The following SLIT3 variants were observed in gnomAD, a reference collection of about 807,000 sequenced individuals.
SLIT3 encodes the protein slit guidance ligand 3.
A neutral mutation model predicts 184.0 loss-of-function variants in SLIT3; 68 were observed. The ratio of observed to expected loss-of-function variants is 0.37; its 90% CI spans 0.30 to 0.45. The LOEUF (loss-of-function observed/expected upper bound fraction) is 0.45. Ranked by LOEUF, SLIT3 falls within the 20% of genes least tolerant of loss-of-function variation. The probability of loss-of-function intolerance (pLI) is 1.00; values close to 1 mark genes in which losing one functional copy is unlikely to be tolerated. For synonymous variants in SLIT3, 831 were observed against 828.6 expected (o/e 1.00, Z -0.05); for missense variants, 1,707 against 2,026.0 (o/e 0.84, Z 3.02).
At chr5:168,674,038 T>A (rs1761334199) in intron 32 of SLIT3, among the ~76,000 whole-genome samples, 1 of 152,200 alleles carries the variant, frequency 6.6e-6, no homozygotes, top group South Asian at 2.1e-4. Flanking sequence ...TTTGATGTGG[T>A]TTTTATATTT....
chr5:168,922,605 T>C (rs912678536), intron 4 of SLIT3, among the ~76,000 whole-genome samples: 7 of 151,904 alleles, frequency 4.6e-5, no homozygotes, highest in Non-Finnish European at 1.0e-4. Flanking sequence ...AGGGCACAGA[T>C]CAGAGCTGGT....
At chr5:169,195,258 C>T (rs1763704720) in intron 3 of SLIT3, among the ~76,000 whole-genome samples, 1 of 152,148 alleles carries the variant, frequency 6.6e-6, no homozygotes, top group Non-Finnish European at 1.5e-5. Flanking sequence ...CCCCTTTCTT[C>T]CTAGGTCTAT....
At chr5:168,869,135 C>T (rs1435683721) in intron 5 of SLIT3, among the ~76,000 whole-genome samples, 2 of 152,210 alleles carry the variant, frequency 1.3e-5, no homozygotes, top group Non-Finnish European at 2.9e-5. Context: ...GCTGGAAATC[C>T]AGACTTTCAA....
intron 32 of SLIT3, among the ~76,000 whole-genome samples, chr5:168,682,016 T>C (rs1761606654): frequency 1.3e-5 from 2 of 152,230 alleles, no homozygotes; most frequent in African/African-American, 2.4e-5. Flanking sequence ...ATTTATGTGA[T>C]AGCAAATGCT....
chr5:168,917,799 G>T lies in SLIT3; in HGVS notation c.414-34463C>A, dbSNP rs767678405. ...AAGGAAACCTTCGCAGCAGTATTGT[G>T]TGATTCTTTTTTCCCCAGGCTGAAA... is the stretch of plus-strand genomic sequence containing the variant. On this transcript the variant is annotated intron_variant, in intron 4 of 35. Transcript: ENST00000519560. Among the ~76,000 whole-genome samples the T allele has an allele frequency of 2.0e-4, 30 of 152,158 alleles. 1 individual carries two copies. Among genetic ancestry groups the T allele is most frequent in the Admixed American group, 5.2e-4 (8 of 15,282 alleles).
At chr5:168,798,507 G>T (rs1202461748) in intron 9 of SLIT3, among the ~76,000 whole-genome samples, 1 of 152,078 alleles carries the variant, frequency 6.6e-6, no homozygotes, top group Non-Finnish European at 1.5e-5. Context: ...GAGATGACAG[G>T]TGTGAGCCAC....
intron 9 of SLIT3, among the ~76,000 whole-genome samples, chr5:168,796,510 G>A (rs1396911511): frequency 1.3e-5 from 2 of 152,138 alleles, no homozygotes; most frequent in Non-Finnish European, 2.9e-5. Flanking sequence ...TCTCCGAGGT[G>A]CAGGTCTTTT....
Position 169,239,229 on chromosome 5 carries a change from T to G in SLIT3, c.341+5476A>C, listed in dbSNP as rs373903924. On this transcript the variant is annotated intron_variant, in intron 3 of 35. Transcript: ENST00000519560. ...ATATATTATCCTTTTCACCTATAAC[T>G]GAATTAATTTGCTAGTATTTTGTTA... Among the ~76,000 whole-genome samples the G allele has an allele frequency of 1.6e-4, 24 of 152,312 alleles. No individual in the cohort carries two copies. In the South Asian group the frequency reaches 4.4e-3, roughly 28 times the overall value.
chr5:168,998,733 CAA>C (rs1356073924), intron 4 of SLIT3, among the ~76,000 whole-genome samples: 1 of 151,794 alleles, frequency 6.6e-6, no homozygotes, highest in Non-Finnish European at 1.5e-5. Context: ...CAAAACAAAA[CAA>C]AACAAAAGGC....
At chr5:168,834,681 T>A (rs1387219943) in intron 6 of SLIT3, among the ~76,000 whole-genome samples, 2 of 81,200 alleles carry the variant, frequency 2.5e-5, no homozygotes, top group Admixed American at 4.2e-4. Flanking sequence ...AGCGAGACTC[T>A]GTCTCAAAAA....
At chr5:169,113,217 C>T (rs968646754) in intron 4 of SLIT3, among the ~76,000 whole-genome samples, 4 of 152,148 alleles carry the variant, frequency 2.6e-5, no homozygotes, top group Admixed American at 6.5e-5. Flanking sequence ...AATAGCAGCT[C>T]CTCATTTGCC....
Position 169,208,000 on chromosome 5 carries a change from G to A in SLIT3, c.342-14450C>T, listed in dbSNP as rs571323367. The stretch of plus-strand genomic sequence containing the variant: ...AGTATGCTATTTTGTTATAGCAGCT[G>A]GAATGGACTAAGACTACACAATTCT... On this transcript the variant is annotated intron_variant, in intron 3 of 35. Transcript: ENST00000519560. 2.0e-5 allele frequency among the ~76,000 whole-genome samples: 3 copies of A among 152,178 alleles called. No homozygotes were observed. The East Asian group carries it at 5.8e-4, about 29-fold the overall frequency.
chr5:168,938,361 A>G (rs1414315892), intron 4 of SLIT3, among the ~76,000 whole-genome samples: 1 of 152,242 alleles, frequency 6.6e-6, no homozygotes, highest in Admixed American at 6.5e-5. Context: ...AGACATCAGT[A>G]TGTGAGAGAA....
At chr5:169,056,817 G>C (rs1208362739) in intron 4 of SLIT3, among the ~76,000 whole-genome samples, 3 of 152,192 alleles carry the variant, frequency 2.0e-5, no homozygotes, top group East Asian at 3.9e-4. Flanking sequence ...GAGAGCCCTA[G>C]CAGGGGAGGT....
chr5:168,768,192 C>A (rs1431101081), intron 14 of SLIT3: 1 of 526,828 alleles, frequency 1.9e-6, no homozygotes, highest in Non-Finnish European at 3.9e-6. Context: ...GAACCATGTT[C>A]CGTTTCCATC....
At chr5:169,263,459 G>A in intron 1 of SLIT3, 1 of 370,112 alleles carries the variant, frequency 2.7e-6, no homozygotes, top group Non-Finnish European at 5.3e-6. Context: ...GGCAAGCCCA[G>A]GAGCCAGGAA....
intron 6 of SLIT3, among the ~76,000 whole-genome samples, chr5:168,831,947 G>C (rs1757896555): frequency 6.6e-6 from 1 of 152,202 alleles, no homozygotes. Context: ...AAAAGAGAAA[G>C]ATAAATCCTC....
At chr5:169,171,706 A>T (rs1404076919) in intron 4 of SLIT3, among the ~76,000 whole-genome samples, 5 of 152,248 alleles carry the variant, frequency 3.3e-5, no homozygotes, top group African/African-American at 2.4e-5. Flanking sequence ...ATGAATATTC[A>T]TTGCTTTGGA....
chr5:168,955,071 C>T (rs957784500), intron 4 of SLIT3, among the ~76,000 whole-genome samples: 1 of 135,746 alleles, frequency 7.4e-6, no homozygotes, highest in Non-Finnish European at 1.6e-5. Context: ...TAGAGGCACT[C>T]CTGGCCTTCC....
Sources: allele counts gnomAD v4.1 joint callset (sites outside exome capture counted in the v4.1 genomes callset), GRCh38; gene constraint gnomAD v4.1.1; transcripts MANE v1.5; gene names NCBI Gene and HGNC (gene_info 2026-07-23, HGNC 2026-07-21).